The following NEGR1 variants were observed in gnomAD, a reference collection of about 807,000 sequenced individuals.
The protein encoded by NEGR1 is neuronal growth regulator 1.
NEGR1 carries 10 observed loss-of-function variants against 40.9 expected under a neutral mutation model. That is an observed-to-expected ratio of 0.24 (90% CI 0.15 to 0.42). The LOEUF is 0.42. NEGR1 is among the 10% of genes least tolerant of loss of function. The pLI, the probability that NEGR1 is intolerant of heterozygous loss-of-function variation, is 1.00. For synonymous variants in NEGR1, 185 were observed against 166.8 expected, an observed-to-expected ratio of 1.11 and a Z score of -0.84; for missense variants, 352 against 438.9, an observed-to-expected ratio of 0.80 and a Z score of 1.77.
At chr1:72,240,698 G>A (rs542081972) in intron 1 of NEGR1, among the ~76,000 whole-genome samples, 1 of 151,790 alleles carries the variant, frequency 6.6e-6, no homozygotes, top group African/African-American at 2.4e-5. Context: ...TATTTCAAAG[G>A]GCCAAAAAAT....
At chr1:72,108,767 A>G (rs907582038) in intron 1 of NEGR1, among the ~76,000 whole-genome samples, 1 of 151,670 alleles carries the variant, frequency 6.6e-6, no homozygotes, top group African/African-American at 2.4e-5. Context: ...TGGATGCAAG[A>G]AGAACAATGA....
chr1:71,765,436 A>G (rs58617221), intron 3 of NEGR1, among the ~76,000 whole-genome samples: 4,536 of 152,220 alleles, frequency 0.03, 220 homozygotes, highest in African/African-American at 0.1. Context: ...TACAGAATAA[A>G]CAAGCTTATT....
At chr1:71,658,821 T>A (rs111669754) in intron 4 of NEGR1, among the ~76,000 whole-genome samples, 1 of 152,334 alleles carries the variant, frequency 6.6e-6, no homozygotes, top group Admixed American at 6.5e-5. Context: ...AGAATTTTTA[T>A]ACTTGACAGT....
chr1:71,787,206 G>T (rs1656944015), intron 2 of NEGR1, among the ~76,000 whole-genome samples: 1 of 152,152 alleles, frequency 6.6e-6, no homozygotes, highest in Admixed American at 6.5e-5. Flanking sequence ...AAAGAATAAA[G>T]AAAATTTGAG....
intron 1 of NEGR1, among the ~76,000 whole-genome samples, chr1:71,961,873 GA>G (rs1347675978): frequency 1.3e-5 from 2 of 152,032 alleles, no homozygotes; most frequent in African/African-American, 2.4e-5. Flanking sequence ...CTAGTTATAT[GA>G]GTTGAGAAAG....
chr1:71,988,921 GT>G (rs1248939764), intron 1 of NEGR1, among the ~76,000 whole-genome samples: 1 of 75,742 alleles, frequency 1.3e-5, no homozygotes. Context: ...CATATTGGAT[GT>G]TAAAAAAAAA....
chr1:72,239,913 G>T lies in NEGR1; in HGVS notation c.176+42406C>A, dbSNP rs557541675. On this transcript the variant is annotated intron_variant, in intron 1 of 6. Transcript: ENST00000357731. ...AATATGAGAAATATTCTATGAAATG[G>T]TACAAAGTGTCCTCAAAAAGGTCAT... 5.9e-5 allele frequency among the ~76,000 whole-genome samples: 9 copies of T among 151,734 alleles called. No individual in the cohort carries two copies. In the South Asian group the frequency reaches 1.7e-3, roughly 28 times the overall value.
intron 2 of NEGR1, among the ~76,000 whole-genome samples, chr1:71,816,497 C>T (rs113033844): frequency 5.9e-4 from 90 of 152,104 alleles, no homozygotes; most frequent in East Asian, 5.2e-3. Context: ...AGTAAGCAAG[C>T]GAGCTTGTGC....
chr1:72,233,325 T>C (rs1046059675), intron 1 of NEGR1, among the ~76,000 whole-genome samples: 2 of 152,110 alleles, frequency 1.3e-5, no homozygotes, highest in Non-Finnish European at 2.9e-5. Context: ...ATTAACAGGG[T>C]GCATATGCAG....
chr1:72,264,296 A>C (rs1231659905), intron 1 of NEGR1, among the ~76,000 whole-genome samples: 4 of 151,236 alleles, frequency 2.6e-5, no homozygotes, highest in Admixed American at 6.6e-5. Context: ...TGGAATTTTA[A>C]CACTTGTTCT....
intron 1 of NEGR1, among the ~76,000 whole-genome samples, chr1:72,236,874 T>A (rs1654565997): frequency 6.6e-6 from 1 of 152,010 alleles, no homozygotes; most frequent in African/African-American, 2.4e-5. Flanking sequence ...GTCAAGTGAC[T>A]GTGTGTGCTA....
intron 4 of NEGR1, among the ~76,000 whole-genome samples, chr1:71,688,323 T>TAG (rs1653110953): frequency 2.7e-5 from 3 of 112,866 alleles, no homozygotes; most frequent in Non-Finnish European, 5.4e-5. Context: ...TATATATATA[T>TAG]ATATAGATAG....
At chr1:71,624,339 T>C (rs1318369349) in intron 4 of NEGR1, among the ~76,000 whole-genome samples, 1 of 151,962 alleles carries the variant, frequency 6.6e-6, no homozygotes, top group Non-Finnish European at 1.5e-5. Context: ...GTCTCCTAAT[T>C]GGTCTTCCTG....
intron 3 of NEGR1, among the ~76,000 whole-genome samples, chr1:71,758,101 T>A (rs1297469921): frequency 6.6e-6 from 1 of 152,052 alleles, no homozygotes; most frequent in Non-Finnish European, 1.5e-5. Flanking sequence ...ATACTCAGGC[T>A]AACACATGCA....
At chr1:72,156,113 CG>C (rs143264326) in intron 1 of NEGR1, among the ~76,000 whole-genome samples, 7,326 of 152,128 alleles carry the variant, frequency 0.048, 601 homozygotes, top group African/African-American at 0.17. Flanking sequence ...TCTGGAAGAA[CG>C]GTACTATATT....
At chr1:71,609,081 T>C (rs963683180) in intron 5 of NEGR1, among the ~76,000 whole-genome samples, 2 of 152,096 alleles carry the variant, frequency 1.3e-5, no homozygotes, top group Non-Finnish European at 2.9e-5. Flanking sequence ...TGGAGTCTTC[T>C]ACTAAGCTAT....
intron 3 of NEGR1, among the ~76,000 whole-genome samples, chr1:71,713,268 T>G (rs919824515): frequency 6.6e-6 from 1 of 152,198 alleles, no homozygotes; most frequent in East Asian, 1.9e-4. Context: ...ACTGATGACC[T>G]ACGGGAAAAT....
At chr1:72,227,400 A>T (rs1168737419) in intron 1 of NEGR1, among the ~76,000 whole-genome samples, 2 of 152,000 alleles carry the variant, frequency 1.3e-5, no homozygotes, top group African/African-American at 4.8e-5. Context: ...AAAAGATGTG[A>T]TCTAAAAGCA....
chr1:71,496,260 G>A (rs908393938), intron 6 of NEGR1, among the ~76,000 whole-genome samples: 2 of 152,072 alleles, frequency 1.3e-5, no homozygotes, highest in Non-Finnish European at 2.9e-5. Context: ...TATGGGAACA[G>A]GAAATAAGAA....
Sources: allele counts gnomAD v4.1 joint callset (sites outside exome capture counted in the v4.1 genomes callset), GRCh38; gene constraint gnomAD v4.1.1; transcripts MANE v1.5; gene names NCBI Gene and HGNC (gene_info 2026-07-23, HGNC 2026-07-21).